HNRNPF: variants seen among roughly 807,000 people sequenced by gnomAD.
HNRNPF encodes HnRNP F protein.
Under a neutral mutation model 26.0 loss-of-function variants are expected in HNRNPF, and 2 were observed. That is an observed-to-expected ratio of 0.08 (90% CI 0.03 to 0.24). HNRNPF has a LOEUF of 0.24. Ranked by LOEUF, HNRNPF falls within the 10% of genes least tolerant of loss-of-function variation. HNRNPF has a pLI of 1.00. For synonymous variants in HNRNPF, 234 were observed against 211.5 expected, an observed-to-expected ratio of 1.11 and a Z score of -0.92; for missense variants, 299 against 539.2, an observed-to-expected ratio of 0.55 and a Z score of 4.41.
rs1838529109 is a variant in HNRNPF, at chr10:43,396,610, G to A, written c.-246-20C>T. 6.6e-6 allele frequency: 1 copy of A among 152,234 alleles called. No homozygotes were observed. The highest frequency in any genetic ancestry group is 2.1e-4 in the South Asian group (1 of 4,834). The allele number at this position is 152,234 out of a possible 1,614,324, so 9.4% of individuals were successfully genotyped here. On this transcript the variant is annotated intron_variant, in intron 1 of 3. Transcript: ENST00000682386. ...CTCAACCTGCAACAGAAATCCAAGT[G>A]GTGGTGGGGTCCCTTCCGCAAGGTG...
At chr10:43,395,163 G>A (rs1341985726) in intron 2 of HNRNPF, among the ~76,000 whole-genome samples, 2 of 152,050 alleles carry the variant, frequency 1.3e-5, no homozygotes, top group Admixed American at 1.3e-4. Flanking sequence ...GAGATGGGTG[G>A]GGGAGAAGTG....
At chr10:43,397,693 C>T (rs1387311881) in intron 1 of HNRNPF, among the ~76,000 whole-genome samples, 1 of 152,168 alleles carries the variant, frequency 6.6e-6, no homozygotes, top group Non-Finnish European at 1.5e-5. Context: ...TTTTAACTAA[C>T]GCAATTTTGT....
At position 43,387,028 on chromosome 10, in the gene HNRNPF, G is replaced by A; in HGVS notation, c.857C>T (p.Thr286Ile). The A allele has an allele frequency of 6.2e-7, 1 of 1,613,576 alleles. No homozygotes were observed. The highest frequency in any genetic ancestry group is 8.5e-7 in the Non-Finnish European group (1 of 1,180,032). ...YGDSEFTVQS[T>I]TGHCVHMRGL... ...CCTCATGTGGACACAGTGGCCTGTGGTGCTCTGCACTGTGAACTCACTGTC... is the reference window on the plus strand; with the variant it reads ...CCTCATGTGGACACAGTGGCCTGTGATGCTCTGCACTGTGAACTCACTGTC... The change falls in exon 4 of 4, where the codon ACC (threonine) becomes ATC (isoleucine). Residue 286 changes from threonine to isoleucine, a missense_variant. This residue lies in a region of HNRNPF where 74 missense variants were observed against 77.7 expected (regional missense o/e 0.95). Transcript: ENST00000682386. The surrounding 1 kb of genome is among the most constrained non-coding windows in gnomAD (Gnocchi z 6.0).
In HNRNPF at chr10:43,385,817, A is replaced by C. The variant is rs1753648626; in HGVS notation, c.*820T>G. The C allele has an allele frequency of 6.6e-6, 1 of 152,338 alleles. No individual in the cohort carries two copies. Among genetic ancestry groups the C allele is most frequent in the African/African-American group, 2.4e-5 (1 of 41,438 alleles). The allele number at this position is 152,338 out of a possible 1,614,324, so 9.4% of individuals were successfully genotyped here. On this transcript the variant is annotated 3_prime_UTR_variant, in exon 4 of 4. Transcript: ENST00000682386. ...GTGTGTCTATTTGATGCTTCCCAGAATGTGTGCTGCTAGTCACCATTTCCA... is the reference window on the plus strand; with the variant it reads ...GTGTGTCTATTTGATGCTTCCCAGACTGTGTGCTGCTAGTCACCATTTCCA...
intron 1 of HNRNPF, among the ~76,000 whole-genome samples, chr10:43,398,033 T>C (rs975122300): frequency 2.6e-5 from 4 of 152,370 alleles, no homozygotes; most frequent in Non-Finnish European, 5.9e-5. Context: ...GTTTGTTTGG[T>C]TGGTTTTTTT....
intron 1 of HNRNPF, among the ~76,000 whole-genome samples, chr10:43,407,413 G>A (rs1838958372): frequency 1.3e-5 from 2 of 152,228 alleles, no homozygotes; most frequent in Admixed American, 6.5e-5. Flanking sequence ...ACCCTCCGCC[G>A]GGACACACGC....
Position 43,386,991 on chromosome 10 carries a change from G to A in HNRNPF, c.894C>T (p.Tyr298=), listed in dbSNP as rs1838051116. ...TGTAAATGTCGTTCTCGGTCGCTTTGTACGGCAGGCCCCTCATGTGGACAC... is the reference window on the plus strand; with the variant it reads ...TGTAAATGTCGTTCTCGGTCGCTTTATACGGCAGGCCCCTCATGTGGACAC... ...GHCVHMRGLP[Y]KATENDIYNF... Residue 298 remains tyrosine, a synonymous_variant, in exon 4 of 4, where the codon TAC becomes TAT. Transcript: ENST00000682386. 6.2e-7 allele frequency: 1 copy of A among 1,613,896 alleles called. No individual in the cohort carries two copies.
At chr10:43,406,696 A>T (rs1034505298) in intron 1 of HNRNPF, among the ~76,000 whole-genome samples, 1 of 152,140 alleles carries the variant, frequency 6.6e-6, no homozygotes, top group African/African-American at 2.4e-5. Flanking sequence ...TGTCTCAAAA[A>T]ATAATACATA....
chr10:43,390,272 T>G lies in HNRNPF; in HGVS notation c.-52-2336A>C, dbSNP rs540797070. Among the ~76,000 whole-genome samples the G allele has an allele frequency of 2.0e-5, 3 of 152,272 alleles. No homozygotes were observed. In the South Asian group the frequency reaches 6.2e-4, roughly 32 times the overall value. On this transcript the variant is annotated intron_variant, in intron 3 of 3. Transcript: ENST00000682386. ...GTGGGGGCTTCTTATGCAATTCCATTCCCAACACTGGGTCAGGCTAGGCAC... is the reference window on the plus strand; with the variant it reads ...GTGGGGGCTTCTTATGCAATTCCATGCCCAACACTGGGTCAGGCTAGGCAC...
rs1010917462 is a variant in HNRNPF at position 43,398,945 on chromosome 10, G to A, written c.-246-2355C>T. ...ACTGTGGGAAACTACAAGGACAAATGAGCCAGTCCTACCTCAGAATAGTTC... is the reference window on the plus strand; with the variant it reads ...ACTGTGGGAAACTACAAGGACAAATAAGCCAGTCCTACCTCAGAATAGTTC... On this transcript the variant is annotated intron_variant, in intron 1 of 3. Coordinates refer to ENST00000682386, the MANE Select transcript of HNRNPF (RefSeq NM_001098204.2). Among the ~76,000 whole-genome samples the A allele has an allele frequency of 2.6e-5, 4 of 152,306 alleles. No individual in the cohort carries two copies. In the East Asian group the frequency reaches 5.8e-4, roughly 22 times the overall value.
intron 3 of HNRNPF, among the ~76,000 whole-genome samples, chr10:43,391,982 C>T (rs903804965): frequency 6.6e-6 from 1 of 152,208 alleles, no homozygotes. Flanking sequence ...GGTGGCTCAC[C>T]GCCTGTAATC....
chr10:43,401,793 G>A (rs1157539733), intron 1 of HNRNPF, among the ~76,000 whole-genome samples: 1 of 152,158 alleles, frequency 6.6e-6, no homozygotes, highest in East Asian at 1.9e-4. Context: ...AGCCCCCTGA[G>A]GAAGGTACAT....
chr10:43,389,493 G>A (rs987197804), intron 3 of HNRNPF, among the ~76,000 whole-genome samples: 4 of 152,168 alleles, frequency 2.6e-5, no homozygotes, highest in African/African-American at 9.7e-5. Context: ...GGGAAAATTA[G>A]TAATTTTAAA....
intron 3 of HNRNPF, among the ~76,000 whole-genome samples, chr10:43,390,822 T>G (rs1232346524): frequency 2.6e-5 from 4 of 152,158 alleles, no homozygotes; most frequent in East Asian, 3.9e-4. Flanking sequence ...ACTGACATTT[T>G]GGACCAGACA....
chr10:43,397,517 C>A (rs1039683966), intron 1 of HNRNPF, among the ~76,000 whole-genome samples: 1 of 152,160 alleles, frequency 6.6e-6, no homozygotes, highest in Non-Finnish European at 1.5e-5. Context: ...GCGGGCAGTG[C>A]AGAGTGGAAG....
At position 43,387,561 on chromosome 10, in the gene HNRNPF, G is replaced by T; in HGVS notation, c.324C>A (p.Ala108=). The T allele has an allele frequency of 1.2e-6, 2 of 1,614,156 alleles. No individual in the cohort carries two copies. Among genetic ancestry groups the T allele is most frequent in the South Asian group, 1.1e-5 (1 of 91,078 alleles). Residue 108 remains alanine, a synonymous_variant, in exon 4 of 4, where the codon GCC becomes GCA. Transcript: ENST00000682386. The surrounding 1 kb of genome is among the most constrained non-coding windows in gnomAD (Gnocchi z 6.0). ...CTCGAAGCCGCACGAAGCCATCGTTGGCGCTGTCGGCACTGTTGGGACCAC... is the reference window on the plus strand; with the variant it reads ...CTCGAAGCCGCACGAAGCCATCGTTTGCGCTGTCGGCACTGTTGGGACCAC... ...KHSGPNSADS[A]NDGFVRLRGL... is the part of the protein sequence containing the mutation.
At chr10:43,407,324 G>A (rs776889084) in intron 1 of HNRNPF, among the ~76,000 whole-genome samples, 3 of 152,096 alleles carry the variant, frequency 2.0e-5, no homozygotes, top group Non-Finnish European at 4.4e-5. Flanking sequence ...GCGCCCGCGA[G>A]CAGTTTCGAG....
intron 1 of HNRNPF, among the ~76,000 whole-genome samples, chr10:43,398,876 C>T (rs1838659202): frequency 6.6e-6 from 1 of 152,056 alleles, no homozygotes; most frequent in Non-Finnish European, 1.5e-5. Context: ...TACTAAATAA[C>T]ACGAATTACA....
chr10:43,388,468 C>T (rs1760396638), intron 3 of HNRNPF, among the ~76,000 whole-genome samples: 1 of 152,172 alleles, frequency 6.6e-6, no homozygotes, highest in African/African-American at 2.4e-5. Context: ...TACAAGACAG[C>T]AATGGCTTCC....
Sources: gnomAD v4.1 joint callset for allele counts (sites outside exome capture counted in the v4.1 genomes callset) on GRCh38, gnomAD v4.1.1 for gene constraint, gnomAD v4.1.1 regional missense constraint, Gnocchi (gnomAD v3.1) non-coding constraint, MANE v1.5 for transcripts, NCBI Gene and HGNC (gene_info 2026-07-23, HGNC 2026-07-21) for gene names.